Variants in CCDC172 observed in about 807,000 individuals in gnomAD.
CCDC172 encodes coiled-coil domain containing 172.
CCDC172 carries 30 observed loss-of-function variants against 38.0 expected under a neutral mutation model. The observed-to-expected ratio is 0.79, with a 90% CI of 0.59 to 1.07. The LOEUF (loss-of-function observed/expected upper bound fraction) is 1.07, where lower values mean the gene tolerates loss of function less well. CCDC172 is among the 50% of genes least tolerant of loss of function. The probability of loss-of-function intolerance (pLI) is 0.00; values close to 1 mark genes in which losing one functional copy is unlikely to be tolerated. For synonymous variants in CCDC172, 78 were observed against 88.3 expected (o/e 0.88, Z 0.66); for missense variants, 297 against 290.1 (o/e 1.02, Z -0.17).
chr10:116,336,048 T>A (rs1319628769), intron 3 of CCDC172, among the ~76,000 whole-genome samples: 4 of 152,006 alleles, frequency 2.6e-5, no homozygotes, highest in African/African-American at 9.7e-5. Flanking sequence ...GCCCCTGTAA[T>A]CCCAGCTACC....
intron 7 of CCDC172, among the ~76,000 whole-genome samples, chr10:116,375,886 G>A (rs939122260): frequency 3.3e-5 from 5 of 152,184 alleles, no homozygotes; most frequent in African/African-American, 1.2e-4. Flanking sequence ...AGATGCTGGA[G>A]AGGATGTGGA....
intron 5 of CCDC172, among the ~76,000 whole-genome samples, chr10:116,357,080 T>A (rs1339792304): frequency 6.6e-6 from 1 of 152,172 alleles, no homozygotes; most frequent in Admixed American, 6.5e-5. Flanking sequence ...TTTTTGCATT[T>A]GTTTAGTTTT....
Position 116,379,451 on chromosome 10 carries a change from G to A in CCDC172, c.*93G>A, listed in dbSNP as rs765501337. ...ATATATGAATGGTACCCGTTACAAC[G>A]GATCCTTGTGGGAAATATGGGGTTT... On this transcript the variant is annotated 3_prime_UTR_variant, in exon 9 of 9. Coordinates refer to ENST00000333254, the MANE Select transcript of CCDC172 (RefSeq NM_198515.3). 2.0e-5 allele frequency: 14 copies of A among 715,458 alleles called. No homozygotes were observed. The Admixed American group carries it at 3.5e-4, about 18-fold the overall frequency. 44.3% of individuals were successfully genotyped at this position (715,458 alleles called of 1,614,324 possible).
At chr10:116,357,206 T>C (rs1777310539) in intron 5 of CCDC172, among the ~76,000 whole-genome samples, 174 bp from the exon 6 acceptor site, 2 of 152,170 alleles carry the variant, frequency 1.3e-5, no homozygotes. Flanking sequence ...AGTATGGATA[T>C]TTTAACAACG....
chr10:116,325,469 A>C, intron 3 of CCDC172, 81 bp downstream of exon 3: 1 of 1,085,804 alleles, frequency 9.2e-7, no homozygotes, highest in Non-Finnish European at 1.3e-6. Flanking sequence ...TCAGTGTTTA[A>C]CCAGTTGTCC....
At chr10:116,364,166 T>G (rs1377299972) in intron 7 of CCDC172, among the ~76,000 whole-genome samples, 1 of 152,168 alleles carries the variant, frequency 6.6e-6, no homozygotes, top group African/African-American at 2.4e-5. Flanking sequence ...TACAGTAGGC[T>G]AGTTGCTGGG....
At chr10:116,367,934 A>C (rs1845143272) in intron 7 of CCDC172, among the ~76,000 whole-genome samples, 1 of 151,966 alleles carries the variant, frequency 6.6e-6, no homozygotes, top group Admixed American at 6.6e-5. Context: ...CTCTCCTTTC[A>C]TTAAATTGAC....
intron 5 of CCDC172, among the ~76,000 whole-genome samples, chr10:116,343,532 TA>T (rs201160691): frequency 0.03 from 4,058 of 136,528 alleles, 118 homozygotes; most frequent in East Asian, 0.082. Flanking sequence ...TTTTTTTTTT[TA>T]AAAAAATATA....
At chr10:116,378,837 T>C (rs929699948) in intron 8 of CCDC172, among the ~76,000 whole-genome samples, 2 of 152,212 alleles carry the variant, frequency 1.3e-5, no homozygotes, top group African/African-American at 4.8e-5. Flanking sequence ...GAAGGAAATT[T>C]AACTATCATA....
chr10:116,354,304 T>A (rs556381392), intron 5 of CCDC172, among the ~76,000 whole-genome samples: 145 of 152,326 alleles, frequency 9.5e-4, no homozygotes, highest in African/African-American at 3.3e-3. Flanking sequence ...ATACTTTTTA[T>A]AATTATTATT....
intron 7 of CCDC172, among the ~76,000 whole-genome samples, chr10:116,368,545 G>T (rs928853633): frequency 2.0e-5 from 3 of 151,682 alleles, no homozygotes; most frequent in African/African-American, 4.8e-5. Context: ...CCCAAATTTG[G>T]CCAGAGGCAA....
intron 4 of CCDC172, 22 bp from the exon 5 acceptor site, chr10:116,342,014 A>T (rs1844800771): frequency 7.0e-7 from 1 of 1,428,622 alleles, no homozygotes; most frequent in African/African-American, 1.5e-5. Context: ...CCTATATTTG[A>T]TCTTTTATTT....
chr10:116,351,184 A>G (rs1444876333), intron 5 of CCDC172, among the ~76,000 whole-genome samples: 2 of 152,168 alleles, frequency 1.3e-5, no homozygotes, highest in Non-Finnish European at 2.9e-5. Flanking sequence ...TGTCTGATAA[A>G]TCAATTAATA....
chr10:116,339,095 T>C (rs1419935822), intron 3 of CCDC172, among the ~76,000 whole-genome samples: 1 of 152,026 alleles, frequency 6.6e-6, no homozygotes, highest in Non-Finnish European at 1.5e-5. Context: ...ATCTAGGATT[T>C]GGTAATTTCC....
At chr10:116,331,805 C>G (rs1465316769) in intron 3 of CCDC172, among the ~76,000 whole-genome samples, 8 of 152,112 alleles carry the variant, frequency 5.3e-5, no homozygotes, top group African/African-American at 1.9e-4. Context: ...AGTTTCACCC[C>G]TGCTGCCAGG....
intron 3 of CCDC172, among the ~76,000 whole-genome samples, chr10:116,326,593 C>T (rs920509967): frequency 2.0e-5 from 3 of 152,064 alleles, no homozygotes; most frequent in Admixed American, 1.3e-4. Context: ...ATAAAGCCTT[C>T]TTTATTTATA....
chr10:116,344,913 A>C (rs1844847588), intron 5 of CCDC172, among the ~76,000 whole-genome samples: 1 of 151,584 alleles, frequency 6.6e-6, no homozygotes, highest in Non-Finnish European at 1.5e-5. Flanking sequence ...TTAGGCTTAC[A>C]CAGAGTCAGT....
Position 116,374,240 on chromosome 10 carries a change from A to C in CCDC172, c.654-4183A>C, listed in dbSNP as rs75666180. ...ACATGAGTAGTGATGCTGGCAATTCATATATGCCAAAAAGAAGGTGTAAAG... is the reference window on the plus strand; with the variant it reads ...ACATGAGTAGTGATGCTGGCAATTCCTATATGCCAAAAAGAAGGTGTAAAG... On this transcript the variant is annotated intron_variant, in intron 7 of 8. Coordinates refer to ENST00000333254, the MANE Select transcript of CCDC172 (RefSeq NM_198515.3). Among the ~76,000 whole-genome samples, 798 of 152,254 alleles carry C rather than the reference A, an allele frequency of 5.2e-3. 3 individuals are homozygous for C. The highest frequency in any genetic ancestry group is 7.4e-3 in the Non-Finnish European group (501 of 68,016).
intron 7 of CCDC172, among the ~76,000 whole-genome samples, chr10:116,373,399 A>G (rs1845209764): frequency 6.6e-6 from 1 of 152,228 alleles, no homozygotes. Context: ...GGTTTATAGC[A>G]TATGTAAAAA....
Sources: allele counts gnomAD v4.1 joint callset (sites outside exome capture counted in the v4.1 genomes callset), GRCh38; gene constraint gnomAD v4.1.1; transcripts MANE v1.5; gene names NCBI Gene and HGNC (gene_info 2026-07-23, HGNC 2026-07-21).